Variants in DENND4C observed in about 807,000 individuals in gnomAD.
The protein encoded by DENND4C is DENN domain-containing protein 4C.
In DENND4C, 108 loss-of-function variants were observed where a neutral mutation model predicts 203.0. The ratio of observed to expected loss-of-function variants is 0.53; its 90% CI spans 0.46 to 0.62. DENND4C has a LOEUF of 0.62. Among genes scored for constraint, DENND4C ranks in the 20% least tolerant of loss-of-function variants. The pLI, the probability that DENND4C is intolerant of heterozygous loss-of-function variation, is 0.00. For missense variants in DENND4C, 2,481 were observed against 2,301.2 expected, an observed-to-expected ratio of 1.08 and a Z score of -1.60; for synonymous variants, 871 against 792.4, an observed-to-expected ratio of 1.10 and a Z score of -1.67.
intron 15 of DENND4C, among the ~76,000 whole-genome samples, chr9:19,327,639 A>T (rs893291706): frequency 6.6e-5 from 10 of 151,868 alleles, no homozygotes; most frequent in Admixed American, 1.3e-4. Flanking sequence ...AATTTTATGG[A>T]TTTTTTTTAT....
chr9:19,280,195 G>C (rs1418591566), intron 2 of DENND4C, among the ~76,000 whole-genome samples: 2 of 151,274 alleles, frequency 1.3e-5, no homozygotes, highest in African/African-American at 4.9e-5. Context: ...CTCTGTCCAG[G>C]CTGGAGTGCA....
chr9:19,372,398 ACTGCTTT>A lies in DENND4C; in HGVS notation c.*226_*232del. 2.3e-6 allele frequency: 1 copy of A among 435,362 alleles called. No individual in the cohort carries two copies. The highest frequency in any genetic ancestry group is 4.1e-5 in the Admixed American group (1 of 24,532). 27.0% of individuals were successfully genotyped at this position (435,362 alleles called of 1,614,324 possible). On this transcript the variant is annotated 3_prime_UTR_variant, in exon 33 of 33. Coordinates refer to ENST00000434457, the MANE Select transcript of DENND4C (RefSeq NM_001330640.2). ...AATATTGAAGATTTTCAACCCCTGA[ACTGCTTT>A]TCTGCCTCTGTGGAAAACTACTTTG...
At chr9:19,265,730 T>G (rs1830362109) in intron 1 of DENND4C, among the ~76,000 whole-genome samples, 1 of 152,240 alleles carries the variant, frequency 6.6e-6, no homozygotes, top group Non-Finnish European at 1.5e-5. Flanking sequence ...TGCGATAGTT[T>G]GTTCAGAATG....
chr9:19,367,881 C>A (rs934201988), intron 30 of DENND4C, among the ~76,000 whole-genome samples: 2 of 152,118 alleles, frequency 1.3e-5, no homozygotes, highest in Non-Finnish European at 2.9e-5. Flanking sequence ...AGAAGAGAAA[C>A]CAGTTGTGAA....
rs1828972687 is a variant in DENND4C at position 19,372,228 on chromosome 9, G to T, written c.*55G>T. The T allele has an allele frequency of 6.4e-7, 1 of 1,557,516 alleles. No homozygotes were observed. Among genetic ancestry groups the T allele is most frequent in the Admixed American group, 2.1e-5 (1 of 47,964 alleles). On this transcript the variant is annotated 3_prime_UTR_variant, in exon 33 of 33. Transcript: ENST00000434457. Reference sequence around the variant, plus strand: ...AGGCTTGGGGATTAGATTTCATCTGGAAACATTCAAGTTTTTTTTTCCAAA... The same window carrying T: ...AGGCTTGGGGATTAGATTTCATCTGTAAACATTCAAGTTTTTTTTTCCAAA...
intron 16 of DENND4C, among the ~76,000 whole-genome samples, chr9:19,329,658 C>T (rs1195410280): frequency 6.6e-6 from 1 of 152,186 alleles, no homozygotes; most frequent in East Asian, 1.9e-4. Context: ...ACTTTACATT[C>T]CCACCAGTAG....
intron 30 of DENND4C, among the ~76,000 whole-genome samples, chr9:19,365,105 G>C (rs1389465385): frequency 1.3e-5 from 2 of 151,966 alleles, no homozygotes; most frequent in African/African-American, 4.8e-5. Flanking sequence ...GACATCATAA[G>C]AAAATTAAAA....
intron 1 of DENND4C, among the ~76,000 whole-genome samples, chr9:19,256,428 T>A (rs1827981641): frequency 6.6e-6 from 1 of 150,906 alleles, no homozygotes; most frequent in South Asian, 2.1e-4. Flanking sequence ...GCGATTCTCC[T>A]GTCGCAGCCT....
chr9:19,269,710 T>C (rs1230528110), intron 1 of DENND4C, among the ~76,000 whole-genome samples: 1 of 152,220 alleles, frequency 6.6e-6, no homozygotes, highest in African/African-American at 2.4e-5. Flanking sequence ...TGACTTTGTC[T>C]GTCTGAAAGG....
At position 19,346,924 on chromosome 9, in the gene DENND4C, C is replaced by A. The variant is rs1352617292; in HGVS notation, c.4155C>A (p.Gly1385=). Residue 1385 remains glycine, a synonymous_variant, in exon 23 of 33, where the codon GGC becomes GGA. Transcript: ENST00000434457. ...LSALVRSSPH[G]SLGSVVNSLS... ...CACTGGTGCGTTCTTCGCCACATGG[C>A]TCGTTGGGTTCTGTAGTAAATTCTT... The A allele has an allele frequency of 6.2e-7, 1 of 1,614,200 alleles. No homozygotes were observed.
intron 24 of DENND4C, among the ~76,000 whole-genome samples, chr9:19,351,374 T>A (rs1824074336): frequency 1.3e-5 from 2 of 152,220 alleles, no homozygotes. Context: ...GGAATGTGTA[T>A]TTTTAAGCAG....
rs149185874 is a variant in DENND4C at position 19,324,715 on chromosome 9, C to T, written c.1953+208C>T. ...ACCACATATAGCCAATTTTTCTATT[C>T]TTTATTCATTGATCCATTGATTGAA... On this transcript the variant is annotated intron_variant, in intron 13 of 32. Coordinates refer to ENST00000434457, the MANE Select transcript of DENND4C (RefSeq NM_001330640.2). Among the ~76,000 whole-genome samples the T allele has an allele frequency of 1.2e-3, 180 of 152,150 alleles. 1 individual carries two copies. The highest frequency in any genetic ancestry group is 2.1e-3 in the Non-Finnish European group (143 of 67,994).
Position 19,346,414 on chromosome 9 carries a change from T to A in DENND4C, c.3645T>A (p.Asn1215Lys), listed in dbSNP as rs1822894511. 1 of 1,614,020 alleles carries A rather than the reference T, an allele frequency of 6.2e-7. No individual in the cohort carries two copies. Among genetic ancestry groups the A allele is most frequent in the African/African-American group, 1.3e-5 (1 of 74,904 alleles). Residue 1215 changes from asparagine to lysine, a missense_variant, in exon 23 of 33, where the codon AAT (asparagine) becomes AAA (lysine). Around this residue, in one of 3 missense-constraint regions of DENND4C, gnomAD observed 2,289 missense variants for 2,113.3 expected, o/e 1.08. Transcript: ENST00000434457. ...YESLLSDSNS[N>K]QSRDLKTVSK... ...GTCTACTAAGTGATAGTAACAGTAA[T>A]CAGTCCAGAGACTTGAAAACAGTAT...
intron 1 of DENND4C, among the ~76,000 whole-genome samples, chr9:19,250,604 T>C (rs950225498): frequency 2.0e-5 from 3 of 152,162 alleles, no homozygotes; most frequent in Admixed American, 6.5e-5. Context: ...GCAAGTTTCC[T>C]CCGCCGATTA....
intron 12 of DENND4C, among the ~76,000 whole-genome samples, chr9:19,321,690 C>T (rs372015540): frequency 6.6e-6 from 1 of 151,602 alleles, no homozygotes; most frequent in Middle Eastern, 3.4e-3. Context: ...ACTAAAAATA[C>T]AAAAATTAGC....
rs35063286 is a variant in DENND4C at position 19,323,430 on chromosome 9, G to GA, written c.1808-917dup. 8.1e-3 allele frequency among the ~76,000 whole-genome samples: 1,104 copies of GA among 136,280 alleles called. 7 individuals carry two copies. The highest frequency in any genetic ancestry group is 0.022 in the Middle Eastern group (6 of 268). 89.4% of individuals were successfully genotyped at this position (136,280 alleles called of 152,430 possible). ...GGGCGACAGAGCTAGACTCTGTCTG[G>GA]AAAAAAAAAAAAAAAGGAATGAAGA... is the stretch of plus-strand genomic sequence containing the variant. On this transcript the variant is annotated intron_variant, in intron 12 of 32. Coordinates refer to ENST00000434457, the MANE Select transcript of DENND4C (RefSeq NM_001330640.2).
intron 16 of DENND4C, among the ~76,000 whole-genome samples, chr9:19,330,183 A>G (rs1198109823): frequency 1.3e-5 from 2 of 152,054 alleles, no homozygotes; most frequent in Non-Finnish European, 2.9e-5. Flanking sequence ...CTCAGCCTCT[A>G]AATCTCATTT....
At chr9:19,357,777 A>T in intron 27 of DENND4C, 188 bp from the exon 28 acceptor site, 2 of 516,392 alleles carry the variant, frequency 3.9e-6, no homozygotes, top group Non-Finnish European at 6.8e-6. Context: ...AGAACCATCT[A>T]CTCCATCCTG....
At chr9:19,354,410 CACA>C (rs1271636192) in intron 26 of DENND4C, among the ~76,000 whole-genome samples, 1 of 152,136 alleles carries the variant, frequency 6.6e-6, no homozygotes, top group East Asian at 1.9e-4. Flanking sequence ...GCTGCACTCC[CACA>C]AGTAGTACCC....
Sources: gnomAD v4.1 joint callset for allele counts (sites outside exome capture counted in the v4.1 genomes callset) on GRCh38, gnomAD v4.1.1 for gene constraint, gnomAD v4.1.1 regional missense constraint, MANE v1.5 for transcripts, NCBI Gene and HGNC (gene_info 2026-07-23, HGNC 2026-07-21) for gene names.